The following ROBO1 variants were observed in gnomAD, a reference collection of about 807,000 sequenced individuals.
The protein encoded by ROBO1 is roundabout homolog 1.
A neutral mutation model predicts 195.9 loss-of-function variants in ROBO1; 149 were observed. That is an observed-to-expected ratio of 0.76 (90% CI 0.67 to 0.87). The LOEUF is 0.87. ROBO1 is among the 40% of genes least tolerant of loss of function. The pLI, the probability that ROBO1 is intolerant of heterozygous loss-of-function variation, is 0.00. For missense variants in ROBO1, 1,933 were observed against 2,068.3 expected (o/e 0.93, Z 1.27); for synonymous variants, 816 against 733.2 (o/e 1.11, Z -1.82).
intron 3 of ROBO1, among the ~76,000 whole-genome samples, chr3:79,017,510 C>G (rs1376037466): frequency 6.8e-6 from 1 of 146,350 alleles, no homozygotes; most frequent in African/African-American, 2.6e-5. Context: ...AGCCTGAAAT[C>G]GGATCCGTGA....
intron 2 of ROBO1, among the ~76,000 whole-genome samples, chr3:79,274,540 C>A (rs2030859341): frequency 6.6e-6 from 1 of 151,506 alleles, no homozygotes; most frequent in Non-Finnish European, 1.5e-5. Context: ...GTGCCTACAT[C>A]AAAAAAGAGG....
intron 2 of ROBO1, among the ~76,000 whole-genome samples, chr3:79,545,039 T>G (rs558440175): frequency 9.9e-5 from 15 of 152,264 alleles, no homozygotes; most frequent in African/African-American, 3.1e-4. Flanking sequence ...TGATATTTAA[T>G]ATTTTTTTAC....
chr3:79,643,873 T>G (rs1216696830), intron 1 of ROBO1, among the ~76,000 whole-genome samples: 2 of 152,018 alleles, frequency 1.3e-5, no homozygotes, highest in Non-Finnish European at 2.9e-5. Flanking sequence ...TTATCAACAA[T>G]AACACTAAGT....
At chr3:78,758,371 A>T (rs561146273) in intron 4 of ROBO1, among the ~76,000 whole-genome samples, 40 of 151,928 alleles carry the variant, frequency 2.6e-4, no homozygotes, top group African/African-American at 9.4e-4. Context: ...AATATATATA[A>T]AAAAATAGCT....
intron 4 of ROBO1, among the ~76,000 whole-genome samples, chr3:78,843,800 T>G (rs2033454117): frequency 6.6e-6 from 1 of 152,068 alleles, no homozygotes; most frequent in Admixed American, 6.6e-5. Flanking sequence ...AGCAGAGGAA[T>G]TATCACGTGG....
At chr3:78,790,125 A>G (rs572378875) in intron 4 of ROBO1, among the ~76,000 whole-genome samples, 51 of 152,294 alleles carry the variant, frequency 3.3e-4, no homozygotes, top group South Asian at 8.3e-4. Flanking sequence ...GGTCTCTCTC[A>G]GATGTCTGAC....
chr3:79,217,240 G>T (rs1189086244), intron 2 of ROBO1, among the ~76,000 whole-genome samples: 1 of 151,982 alleles, frequency 6.6e-6, no homozygotes, highest in Non-Finnish European at 1.5e-5. Flanking sequence ...CTGCAGGATT[G>T]CCTAAACTGA....
chr3:79,301,710 CCAA>C (rs944270571), intron 2 of ROBO1, among the ~76,000 whole-genome samples: 2 of 152,064 alleles, frequency 1.3e-5, no homozygotes, highest in Non-Finnish European at 2.9e-5. Flanking sequence ...ATACTCAAAA[CCAA>C]CAATAAAAAC....
chr3:79,642,682 A>C (rs1945701806), intron 1 of ROBO1, among the ~76,000 whole-genome samples: 1 of 152,190 alleles, frequency 6.6e-6, no homozygotes. Context: ...TTAATTATAA[A>C]GGAGAGATAA....
chr3:79,312,380 T>C (rs1460227596), intron 2 of ROBO1, among the ~76,000 whole-genome samples: 1 of 152,244 alleles, frequency 6.6e-6, no homozygotes, highest in African/African-American at 2.4e-5. Flanking sequence ...GTCATTTGTT[T>C]ACTAGTATAG....
intron 4 of ROBO1, chr3:78,759,380 T>C (rs1294208844): frequency 1.7e-5 from 2 of 118,782 alleles, no homozygotes; most frequent in African/African-American, 3.2e-5. Flanking sequence ...AATGAACAAA[T>C]AGAACACTTA....
rs777325603 is a variant in ROBO1 at position 78,871,436 on chromosome 3, G to A, written c.499+67165C>T. Among the ~76,000 whole-genome samples the A allele has an allele frequency of 2.6e-5, 4 of 151,918 alleles. No homozygotes were observed. In the South Asian group the frequency reaches 6.2e-4, roughly 24 times the overall value. On this transcript the variant is annotated intron_variant, in intron 4 of 30. Transcript: ENST00000464233. ...AAATTCCTTTTAAGGGATGAAAAAC[G>A]GAGCTTTCTGATCTTAGCTCTAATT...
intron 4 of ROBO1, among the ~76,000 whole-genome samples, chr3:78,889,404 C>T (rs1320803201): frequency 6.6e-6 from 1 of 152,152 alleles, no homozygotes; most frequent in African/African-American, 2.4e-5. Flanking sequence ...TAAACTAAAT[C>T]CACCAACTTG....
At chr3:79,026,687 G>T (rs1576586384) in intron 3 of ROBO1, among the ~76,000 whole-genome samples, 2 of 151,818 alleles carry the variant, frequency 1.3e-5, no homozygotes, top group East Asian at 3.9e-4. Flanking sequence ...CTATCTTTTG[G>T]TTTCTTACTT....
intron 3 of ROBO1, among the ~76,000 whole-genome samples, chr3:79,049,927 G>T (rs548988342): frequency 6.6e-6 from 1 of 152,222 alleles, no homozygotes; most frequent in South Asian, 2.1e-4. Context: ...ACCAGCACCA[G>T]CCACTGAAAA....
chr3:79,290,612 T>C (rs531105840), intron 2 of ROBO1, among the ~76,000 whole-genome samples: 1 of 152,272 alleles, frequency 6.6e-6, no homozygotes, highest in South Asian at 2.1e-4. Flanking sequence ...ACATATATGC[T>C]CTGACTGTCC....
chr3:79,473,072 C>A (rs1048672229), intron 2 of ROBO1, among the ~76,000 whole-genome samples: 1 of 152,114 alleles, frequency 6.6e-6, no homozygotes, highest in East Asian at 1.9e-4. Context: ...CCAAGTCTAA[C>A]CTCTAGTACC....
chr3:79,461,959 A>T (rs1413476511), intron 2 of ROBO1, among the ~76,000 whole-genome samples: 3 of 152,126 alleles, frequency 2.0e-5, no homozygotes, highest in African/African-American at 7.2e-5. Context: ...CCAATCTATC[A>T]ATCTATTTAT....
At chr3:79,158,140 A>C (rs2080891570) in intron 2 of ROBO1, among the ~76,000 whole-genome samples, 1 of 151,748 alleles carries the variant, frequency 6.6e-6, no homozygotes, top group Non-Finnish European at 1.5e-5. Flanking sequence ...AAAAACAATA[A>C]AATTTTAGTC....
Sources: allele counts gnomAD v4.1 joint callset (sites outside exome capture counted in the v4.1 genomes callset), GRCh38; gene constraint gnomAD v4.1.1; transcripts MANE v1.5; gene names NCBI Gene and HGNC (gene_info 2026-07-23, HGNC 2026-07-21).